The following SDK1 variants were observed in gnomAD, a reference collection of about 807,000 sequenced individuals.
The protein encoded by SDK1 is protein sidekick-1.
Under a neutral mutation model 245.5 loss-of-function variants are expected in SDK1, and 157 were observed. The ratio of observed to expected loss-of-function variants is 0.64; its 90% CI spans 0.56 to 0.73. The LOEUF is 0.73. Ranked by LOEUF, SDK1 falls within the 30% of genes least tolerant of loss-of-function variation. The pLI is 0.00. For synonymous variants in SDK1, 1,647 were observed against 1,278.5 expected (o/e 1.29, Z -6.15); for missense variants, 3,583 against 3,002.3 (o/e 1.19, Z -4.52).
chr7:4,110,862 C>A lies in SDK1; in HGVS notation c.3434+90C>A, dbSNP rs78790964. 4 of 845,520 alleles carry A rather than the reference C, an allele frequency of 4.7e-6. No individual in the cohort carries two copies. The Admixed American group carries it at 5.6e-5, about 12-fold the overall frequency. 52.4% of individuals were successfully genotyped at this position (845,520 alleles called of 1,614,324 possible). ...TTGGCAATAGTAAAACCCAGTCGTA[C>A]GTATGCAAATCAGATGTTTCCTAGT... On this transcript the variant is annotated intron_variant, in intron 23 of 44. Coordinates refer to ENST00000404826, the MANE Select transcript of SDK1 (RefSeq NM_152744.4).
chr7:3,806,891 A>T (rs887908655), intron 4 of SDK1, among the ~76,000 whole-genome samples: 3 of 151,980 alleles, frequency 2.0e-5, no homozygotes, highest in Non-Finnish European at 4.4e-5. Context: ...ACTAAGAGTG[A>T]TATTACCTAA....
At chr7:3,865,577 C>A (rs1381411582) in intron 5 of SDK1, among the ~76,000 whole-genome samples, 3 of 152,152 alleles carry the variant, frequency 2.0e-5, no homozygotes, top group Non-Finnish European at 4.4e-5. Flanking sequence ...GGTGTAATCA[C>A]AGCTCACCGC....
At chr7:3,540,398 C>A (rs528989880) in intron 1 of SDK1, among the ~76,000 whole-genome samples, 1 of 152,002 alleles carries the variant, frequency 6.6e-6, no homozygotes, top group African/African-American at 2.4e-5. Context: ...AAGAGTGATA[C>A]TTCATCTCAA....
intron 26 of SDK1, among the ~76,000 whole-genome samples, chr7:4,128,221 G>C (rs545788315): frequency 1.3e-5 from 2 of 152,268 alleles, no homozygotes; most frequent in South Asian, 4.1e-4. Context: ...GCTGCTCCCT[G>C]GGTTTTGAGC....
In SDK1 at chr7:4,237,800, C is replaced by A. The variant is rs1482515883; in HGVS notation, c.6130+16C>A. The A allele has an allele frequency of 6.2e-7, 1 of 1,613,604 alleles. No homozygotes were observed. The highest frequency in any genetic ancestry group is 8.5e-7 in the Non-Finnish European group (1 of 1,179,654). ...TGCAGCACAGGTGCAGGTCCAGCCC[C>A]TTCCTCGCGTGTCCCACGATGCCAC... is the stretch of plus-strand genomic sequence containing the variant. On this transcript the variant is annotated intron_variant, in intron 42 of 44. Coordinates refer to ENST00000404826, the MANE Select transcript of SDK1 (RefSeq NM_152744.4).
intron 1 of SDK1, among the ~76,000 whole-genome samples, chr7:3,492,471 G>A (rs1158105271): frequency 6.6e-6 from 1 of 152,230 alleles, no homozygotes; most frequent in Non-Finnish European, 1.5e-5. Context: ...TCCAACCTGG[G>A]CGACAGAGCG....
At chr7:3,593,894 C>T (rs954793022) in intron 1 of SDK1, among the ~76,000 whole-genome samples, 1 of 152,198 alleles carries the variant, frequency 6.6e-6, no homozygotes, top group Non-Finnish European at 1.5e-5. Context: ...GATAATAGCA[C>T]TTACCATGCC....
chr7:3,884,083 GTTT>G (rs529710738), intron 5 of SDK1, among the ~76,000 whole-genome samples: 7 of 136,182 alleles, frequency 5.1e-5, no homozygotes, highest in African/African-American at 1.7e-4. Context: ...TTGTTTTTTT[GTTT>G]TTTTTTTTTT....
intron 1 of SDK1, among the ~76,000 whole-genome samples, chr7:3,496,888 C>T (rs996784347): frequency 5.3e-5 from 8 of 152,154 alleles, no homozygotes; most frequent in Non-Finnish European, 7.4e-5. Context: ...TAGTGCTTGA[C>T]GTGATCAGAT....
rs1056093032 is a variant in SDK1 at position 4,079,522 on chromosome 7, C to T, written c.3262C>T (p.Leu1088Phe). The T allele has an allele frequency of 3.7e-6, 6 of 1,614,136 alleles. No homozygotes were observed. The highest frequency in any genetic ancestry group is 5.1e-6 in the Non-Finnish European group (6 of 1,180,052). ...CAACATCAGCCCTCGCTCCGCCACC[C>T]TTCAGTTCCGGCCAGGCTATGACGG... Reference protein sequence around the residue: ...ISNISPRSATLQFRPGYDGKT... With the variant: ...ISNISPRSATFQFRPGYDGKT... Residue 1088 changes from leucine (L) to phenylalanine (F), a missense_variant, in exon 22 of 45, where the codon CTT becomes TTT. Leu to Phe is a conservative substitution (Grantham distance 22). Transcript: ENST00000404826.
chr7:4,077,204 G>A lies in SDK1; in HGVS notation c.3202+15G>A, dbSNP rs1780741654. ...AGTGCCCCCAGGTCAGTAGAATCGT[G>A]TGCGGTCCTCCTGCTGTCACCTTTC... On this transcript the variant is annotated intron_variant, in intron 21 of 44. Coordinates refer to ENST00000404826, the MANE Select transcript of SDK1 (RefSeq NM_152744.4). The A allele has an allele frequency of 1.2e-6, 2 of 1,611,314 alleles. No homozygotes were observed.
intron 1 of SDK1, among the ~76,000 whole-genome samples, chr7:3,618,570 A>G (rs1219005879): frequency 6.6e-6 from 1 of 152,232 alleles, no homozygotes; most frequent in Non-Finnish European, 1.5e-5. Flanking sequence ...TATCCCATTG[A>G]AAGTCACCAG....
At chr7:3,530,504 G>T (rs1053626998) in intron 1 of SDK1, among the ~76,000 whole-genome samples, 1 of 152,156 alleles carries the variant, frequency 6.6e-6, no homozygotes, top group Admixed American at 6.5e-5. Flanking sequence ...TTCTCAAAAT[G>T]TAAGGAGTTG....
At chr7:4,080,063 G>A (rs755960941) in intron 22 of SDK1, among the ~76,000 whole-genome samples, 3 of 152,276 alleles carry the variant, frequency 2.0e-5, no homozygotes, top group East Asian at 1.9e-4. Flanking sequence ...TTCTGCTGTC[G>A]AGGAGAAAAG....
At chr7:3,622,088 G>C (rs1037303973) in intron 2 of SDK1, among the ~76,000 whole-genome samples, 1 of 152,148 alleles carries the variant, frequency 6.6e-6, no homozygotes, top group Admixed American at 6.5e-5. Flanking sequence ...ATGAGGGTAG[G>C]TATGTTAAAT....
At chr7:4,001,060 C>T (rs1196149660) in intron 14 of SDK1, among the ~76,000 whole-genome samples, 1 of 152,150 alleles carries the variant, frequency 6.6e-6, no homozygotes, top group Non-Finnish European at 1.5e-5. Context: ...TTGGTCCTCA[C>T]CTTCTGGAAT....
At chr7:3,310,057 C>T (rs1250061910) in intron 1 of SDK1, among the ~76,000 whole-genome samples, 1 of 152,162 alleles carries the variant, frequency 6.6e-6, no homozygotes, top group Non-Finnish European at 1.5e-5. Flanking sequence ...TAACTAGAGC[C>T]ACATGCTCAA....
At chr7:4,171,154 CAGTGGCCACAGGGTGTGGACGGATGG>C (rs1374289049) in intron 32 of SDK1, among the ~76,000 whole-genome samples, 1 of 152,180 alleles carries the variant, frequency 6.6e-6, no homozygotes, top group Non-Finnish European at 1.5e-5. Context: ...AGAAAGGGGT[CAGTGGCCACAGGGTGTGGACGGATGG>C]GGTGGCCACG....
chr7:3,544,385 G>T (rs920754460), intron 1 of SDK1, among the ~76,000 whole-genome samples: 1 of 149,654 alleles, frequency 6.7e-6, no homozygotes, highest in Non-Finnish European at 1.5e-5. Context: ...GACCTCACAG[G>T]CAGCATGGGG....
Sources: gnomAD v4.1 joint callset for allele counts (sites outside exome capture counted in the v4.1 genomes callset) on GRCh38, gnomAD v4.1.1 for gene constraint, MANE v1.5 for transcripts, NCBI Gene and HGNC (gene_info 2026-07-23, HGNC 2026-07-21) for gene names.